Variants in ARHGAP42 observed in about 807,000 individuals in gnomAD.
The protein encoded by ARHGAP42 is Rho GTPase activating protein 42, also known as rho GTPase-activating protein 42.
Under a neutral mutation model 125.0 loss-of-function variants are expected in ARHGAP42, and 63 were observed. That is an observed-to-expected ratio of 0.50 (90% confidence interval 0.41 to 0.62). The LOEUF (loss-of-function observed/expected upper bound fraction) is 0.62, where lower values mean the gene tolerates loss of function less well. Ranked by LOEUF, ARHGAP42 falls within the 20% of genes least tolerant of loss-of-function variation. ARHGAP42 has a pLI of 0.00. For missense variants in ARHGAP42, 766 were observed against 1,024.2 expected (o/e 0.75, Z 3.44); for synonymous variants, 339 against 351.0 (o/e 0.97, Z 0.38).
chr11:100,738,299 T>G (rs1862109317), intron 1 of ARHGAP42: 1 of 152,214 alleles, frequency 6.6e-6, no homozygotes, highest in African/African-American at 2.4e-5. Flanking sequence ...AGAAAGTCAT[T>G]TTTTAAATGT....
rs116572861 is a variant in ARHGAP42, at chr11:100,926,515, G to A, written c.597+4911G>A. On this transcript the variant is annotated intron_variant, in intron 6 of 23. Coordinates refer to ENST00000298815, the MANE Select transcript of ARHGAP42 (RefSeq NM_152432.4). Reference sequence around the variant, plus strand: ...TCCTTAAAATTAGAAGAAAATAAGAGGTTTACCTTTGGTAAGCAGAGACAG... The same window carrying A: ...TCCTTAAAATTAGAAGAAAATAAGAAGTTTACCTTTGGTAAGCAGAGACAG... 3.3e-3 allele frequency among the ~76,000 whole-genome samples: 496 copies of A among 152,274 alleles called. 3 individuals are homozygous for A. The highest frequency in any genetic ancestry group is 0.011 in the African/African-American group (462 of 41,552).
At chr11:100,695,694 G>T (rs544206110) in intron 1 of ARHGAP42, among the ~76,000 whole-genome samples, 2 of 152,140 alleles carry the variant, frequency 1.3e-5, no homozygotes, top group African/African-American at 4.8e-5. Flanking sequence ...CAAAAATCCA[G>T]TTATAATACT....
chr11:100,782,540 A>G (rs1446527209), intron 2 of ARHGAP42, among the ~76,000 whole-genome samples: 2 of 152,208 alleles, frequency 1.3e-5, no homozygotes, highest in Admixed American at 6.5e-5. Flanking sequence ...GGAAGAAGAC[A>G]TTTGGGGATG....
intron 16 of ARHGAP42, among the ~76,000 whole-genome samples, chr11:100,964,938 G>C (rs1246285944): frequency 6.6e-6 from 1 of 152,094 alleles, no homozygotes; most frequent in Non-Finnish European, 1.5e-5. Flanking sequence ...CTGCTATGAA[G>C]AAATATCCAA....
chr11:100,926,870 C>G (rs1045047775), intron 6 of ARHGAP42, among the ~76,000 whole-genome samples: 1 of 152,150 alleles, frequency 6.6e-6, no homozygotes, highest in Non-Finnish European at 1.5e-5. Context: ...TTTAAAAACA[C>G]ATTTTAATTT....
intron 8 of ARHGAP42, among the ~76,000 whole-genome samples, chr11:100,939,365 A>G (rs1244730947): frequency 3.3e-5 from 5 of 152,102 alleles, no homozygotes; most frequent in South Asian, 4.2e-4. Flanking sequence ...GAATAATACT[A>G]TGCTTACTAT....
intron 1 of ARHGAP42, among the ~76,000 whole-genome samples, chr11:100,709,050 GT>G (rs1159071373): frequency 6.6e-6 from 1 of 150,704 alleles, no homozygotes; most frequent in Non-Finnish European, 1.5e-5. Context: ...AGCTCTTTTT[GT>G]TTTTTTGAGA....
chr11:100,963,013 A>G (rs1347889540), intron 16 of ARHGAP42, among the ~76,000 whole-genome samples: 2 of 152,276 alleles, frequency 1.3e-5, no homozygotes, highest in East Asian at 1.9e-4. Context: ...TGTGGTGATT[A>G]TAAAGAACCA....
intron 2 of ARHGAP42, among the ~76,000 whole-genome samples, chr11:100,791,175 ACC>A (rs2135026204): frequency 6.6e-6 from 1 of 152,180 alleles, no homozygotes; most frequent in Non-Finnish European, 1.5e-5. Context: ...AGAAGTTCTA[ACC>A]CTGGCCTCTC....
At chr11:100,850,166 G>C (rs902099787) in intron 3 of ARHGAP42, among the ~76,000 whole-genome samples, 1 of 152,014 alleles carries the variant, frequency 6.6e-6, no homozygotes, top group Non-Finnish European at 1.5e-5. Context: ...CCGTGTTTGG[G>C]GATGCAATAG....
chr11:100,749,151 G>A (rs1262869569), intron 1 of ARHGAP42, among the ~76,000 whole-genome samples: 1 of 152,136 alleles, frequency 6.6e-6, no homozygotes, highest in Non-Finnish European at 1.5e-5. Context: ...AAAGGAAAGG[G>A]GAGTTCTGAA....
intron 1 of ARHGAP42, among the ~76,000 whole-genome samples, chr11:100,746,663 G>T (rs1021382538): frequency 6.6e-6 from 1 of 152,180 alleles, no homozygotes; most frequent in Non-Finnish European, 1.5e-5. Context: ...ATAGGTTTGG[G>T]AAGGGGGCAG....
chr11:100,987,101 T>A (rs1858698035), intron 22 of ARHGAP42, among the ~76,000 whole-genome samples: 1 of 152,166 alleles, frequency 6.6e-6, no homozygotes, highest in Non-Finnish European at 1.5e-5. Flanking sequence ...AATTTTTGGA[T>A]CTCACCTCAG....
chr11:100,756,313 G>A (rs1441367319), intron 1 of ARHGAP42, among the ~76,000 whole-genome samples: 1 of 151,600 alleles, frequency 6.6e-6, no homozygotes, highest in Non-Finnish European at 1.5e-5. Context: ...CAGGGGGATA[G>A]CTTGAGCCCA....
At chr11:100,765,231 A>G (rs1862801842) in intron 1 of ARHGAP42, among the ~76,000 whole-genome samples, 1 of 152,176 alleles carries the variant, frequency 6.6e-6, no homozygotes, top group South Asian at 2.1e-4. Flanking sequence ...AGCCTTGCTG[A>G]TGCATTGTTA....
At chr11:100,820,173 A>G (rs1008645037) in intron 3 of ARHGAP42, among the ~76,000 whole-genome samples, 4 of 152,070 alleles carry the variant, frequency 2.6e-5, no homozygotes, top group African/African-American at 9.7e-5. Context: ...CTCTAGTTTC[A>G]TAGCTGTCTC....
chr11:100,833,533 A>T (rs1448027958), intron 3 of ARHGAP42, among the ~76,000 whole-genome samples: 1 of 152,154 alleles, frequency 6.6e-6, no homozygotes, highest in South Asian at 2.1e-4. Flanking sequence ...GCTCATCCAC[A>T]TGTCTCCCAA....
At chr11:100,801,113 A>T (rs1056263577) in intron 3 of ARHGAP42, among the ~76,000 whole-genome samples, 1 of 152,188 alleles carries the variant, frequency 6.6e-6, no homozygotes, top group Non-Finnish European at 1.5e-5. Context: ...CTGTACTCAA[A>T]AAGTTTTGGA....
At chr11:100,717,175 T>C (rs949666412) in intron 1 of ARHGAP42, among the ~76,000 whole-genome samples, 1 of 152,210 alleles carries the variant, frequency 6.6e-6, no homozygotes, top group African/African-American at 2.4e-5. Flanking sequence ...GTATTTACTC[T>C]GCATGAACTG....
Sources: gnomAD v4.1 joint callset for allele counts (sites outside exome capture counted in the v4.1 genomes callset) on GRCh38, gnomAD v4.1.1 for gene constraint, MANE v1.5 for transcripts, NCBI Gene and HGNC (gene_info 2026-07-23, HGNC 2026-07-21) for gene names.